PPM1H: variants seen among roughly 807,000 people sequenced by gnomAD.
The protein encoded by PPM1H is protein phosphatase, Mg2+/Mn2+ dependent 1H.
Under a neutral mutation model 54.9 loss-of-function variants are expected in PPM1H, and 27 were observed. The observed-to-expected ratio is 0.49, with a 90% CI of 0.36 to 0.68. The LOEUF (loss-of-function observed/expected upper bound fraction) is 0.68, where lower values mean the gene tolerates loss of function less well. Ranked by LOEUF, PPM1H falls within the 30% of genes least tolerant of loss-of-function variation. PPM1H has a pLI of 0.00. For synonymous variants in PPM1H, 305 were observed against 270.8 expected, an observed-to-expected ratio of 1.13 and a Z score of -1.24; for missense variants, 596 against 667.8, an observed-to-expected ratio of 0.89 and a Z score of 1.19.
At position 62,645,569 on chromosome 12, in the gene PPM1H, G is replaced by A. The variant is rs1303509322; in HGVS notation, c.*2920C>T. On this transcript the variant is annotated 3_prime_UTR_variant, in exon 10 of 10. Transcript: ENST00000228705. ...CACTGGCTACAGGAATAAGGCTTTGGTTATCATCTAGCAAAATGCCACAGA... is the reference window on the plus strand; with the variant it reads ...CACTGGCTACAGGAATAAGGCTTTGATTATCATCTAGCAAAATGCCACAGA... 6.6e-6 allele frequency: 1 copy of A among 152,256 alleles called. No individual in the cohort carries two copies. The highest frequency in any genetic ancestry group is 1.9e-4 in the East Asian group (1 of 5,190). The allele number at this position is 152,256 out of a possible 1,614,324, so 9.4% of individuals were successfully genotyped here.
At position 62,720,295 on chromosome 12, in the gene PPM1H, A is replaced by G; in HGVS notation, c.955-6T>C. ...AAGTGAGGCTGCATGAATGCCTAATAGCAAAAAGAAAAAGAAAAAACACAC... is the reference window on the plus strand; with the variant it reads ...AAGTGAGGCTGCATGAATGCCTAATGGCAAAAAGAAAAAGAAAAAACACAC... On this transcript the variant is annotated splice_region_variant and splice_polypyrimidine_tract_variant and intron_variant, in intron 5 of 9. Transcript: ENST00000228705. The G allele has an allele frequency of 6.3e-7, 1 of 1,589,714 alleles. No individual in the cohort carries two copies.
chr12:62,802,587 A>G (rs2076777842), intron 2 of PPM1H, among the ~76,000 whole-genome samples: 1 of 146,702 alleles, frequency 6.8e-6, no homozygotes, highest in South Asian at 2.1e-4. Context: ...TTTTTTTGAC[A>G]GAGTCTCACT....
intron 6 of PPM1H, among the ~76,000 whole-genome samples, chr12:62,717,495 AAG>A (rs1313507190): frequency 6.6e-6 from 1 of 152,028 alleles, no homozygotes; most frequent in Non-Finnish European, 1.5e-5. Flanking sequence ...GAAAATGAGA[AAG>A]AGAACAAGAG....
At chr12:62,710,087 C>G (rs2076198862) in intron 6 of PPM1H, among the ~76,000 whole-genome samples, 1 of 151,476 alleles carries the variant, frequency 6.6e-6, no homozygotes, top group Non-Finnish European at 1.5e-5. Flanking sequence ...AAAAAAAAGC[C>G]AGTCTTGGGC....
intron 3 of PPM1H, among the ~76,000 whole-genome samples, chr12:62,800,817 G>C (rs2076763898): frequency 6.6e-6 from 1 of 152,154 alleles, no homozygotes; most frequent in African/African-American, 2.4e-5. Context: ...AGCTGGCATA[G>C]AACAAAGCAG....
chr12:62,857,902 C>T (rs1408538303), intron 1 of PPM1H, among the ~76,000 whole-genome samples: 1 of 152,032 alleles, frequency 6.6e-6, no homozygotes, highest in Non-Finnish European at 1.5e-5. Flanking sequence ...AGTCATGCAC[C>T]CAGGTCAGCG....
intron 1 of PPM1H, among the ~76,000 whole-genome samples, chr12:62,917,843 T>C (rs1021841348): frequency 6.6e-6 from 1 of 152,186 alleles, no homozygotes; most frequent in African/African-American, 2.4e-5. Context: ...GGGATTAGTT[T>C]CCACTACACC....
At chr12:62,736,545 G>T (rs1395701770) in intron 5 of PPM1H, among the ~76,000 whole-genome samples, 1 of 152,172 alleles carries the variant, frequency 6.6e-6, no homozygotes, top group Non-Finnish European at 1.5e-5. Flanking sequence ...ACAGTTCATA[G>T]AATAAAATGA....
At chr12:62,734,460 G>C (rs909252288) in intron 5 of PPM1H, among the ~76,000 whole-genome samples, 1 of 152,122 alleles carries the variant, frequency 6.6e-6, no homozygotes, top group Non-Finnish European at 1.5e-5. Context: ...CATTACTGTT[G>C]AAGAAATTGG....
At position 62,658,814 on chromosome 12, in the gene PPM1H, G is replaced by T. The variant is rs1193875748; in HGVS notation, c.1397+8364C>A. ...AAGAAAGAGGGGCCATCTCCTCCTTGGCATCAGGGCCAACTTCAGACTCCT... is the reference window on the plus strand; with the variant it reads ...AAGAAAGAGGGGCCATCTCCTCCTTTGCATCAGGGCCAACTTCAGACTCCT... On this transcript the variant is annotated intron_variant, in intron 9 of 9. Transcript: ENST00000228705. The T allele has an allele frequency of 5.9e-6, 3 of 508,390 alleles. No individual in the cohort carries two copies. The Admixed American group carries it at 7.7e-5, about 13-fold the overall frequency. 31.5% of individuals were successfully genotyped at this position (508,390 alleles called of 1,614,324 possible).
chr12:62,896,212 C>T lies in PPM1H; in HGVS notation c.245+38280G>A, dbSNP rs758931596. On this transcript the variant is annotated intron_variant, in intron 1 of 9. Coordinates refer to ENST00000228705, the MANE Select transcript of PPM1H (RefSeq NM_020700.2). ...GGGCAAGGACTTCATGACTACAACA[C>T]CAAAAGCAATGGCAAGAAAAGCCAA... is the stretch of plus-strand genomic sequence containing the variant. 7.9e-5 allele frequency among the ~76,000 whole-genome samples: 12 copies of T among 152,220 alleles called. No homozygotes were observed. In the South Asian group the frequency reaches 2.5e-3, roughly 32 times the overall value.
rs991788201 is a variant in PPM1H, at chr12:62,769,534, T to C, written c.869+18692A>G. Among the ~76,000 whole-genome samples, 3 of 152,188 alleles carry C rather than the reference T, an allele frequency of 2.0e-5. No individual in the cohort carries two copies. In the East Asian group the frequency reaches 5.8e-4, roughly 29 times the overall value. Reference sequence around the variant, plus strand: ...TAAGTATCCATTCCAGAAAACAATATGAAGATGGGTTTGTTGGTCTTCTGA... The same window carrying C: ...TAAGTATCCATTCCAGAAAACAATACGAAGATGGGTTTGTTGGTCTTCTGA... On this transcript the variant is annotated intron_variant, in intron 4 of 9. Coordinates refer to ENST00000228705, the MANE Select transcript of PPM1H (RefSeq NM_020700.2).
chr12:62,819,265 C>G (rs2641547), intron 2 of PPM1H, among the ~76,000 whole-genome samples: 48,921 of 151,156 alleles, frequency 0.32, 10,250 homozygotes, highest in African/African-American at 0.6. Flanking sequence ...GAGTAACTGG[C>G]ATTACAGGCG....
At chr12:62,873,989 T>C (rs948299137) in intron 1 of PPM1H, among the ~76,000 whole-genome samples, 7 of 151,992 alleles carry the variant, frequency 4.6e-5, no homozygotes, top group African/African-American at 1.7e-4. Context: ...GGGGGAAATA[T>C]ATGCAAAGGC....
chr12:62,754,564 T>C lies in PPM1H; in HGVS notation c.870-16978A>G, dbSNP rs73314528. On this transcript the variant is annotated intron_variant, in intron 4 of 9. Coordinates refer to ENST00000228705, the MANE Select transcript of PPM1H (RefSeq NM_020700.2). The stretch of plus-strand genomic sequence containing the variant: ...TAGCCCAGGTGAGAGACAGACACTG[T>C]CCAAAAACAGATACTAGAGTAGATC... Among the ~76,000 whole-genome samples the C allele has an allele frequency of 4.0e-3, 612 of 152,202 alleles. 4 individuals are homozygous for C. The highest frequency in any genetic ancestry group is 0.014 in the African/African-American group (583 of 41,540).
At chr12:62,919,732 C>G (rs1214823602) in intron 1 of PPM1H, among the ~76,000 whole-genome samples, 1 of 152,108 alleles carries the variant, frequency 6.6e-6, no homozygotes, top group East Asian at 1.9e-4. Flanking sequence ...ATTTACAGCA[C>G]AAGTCCTCAT....
At chr12:62,856,894 AG>A in intron 1 of PPM1H, among the ~76,000 whole-genome samples, 1 of 152,308 alleles carries the variant, frequency 6.6e-6, no homozygotes, top group South Asian at 2.1e-4. Flanking sequence ...ACGGCTTCAC[AG>A]GGTACCAGAC....
At chr12:62,868,450 A>G (rs1467449753) in intron 1 of PPM1H, among the ~76,000 whole-genome samples, 1 of 152,146 alleles carries the variant, frequency 6.6e-6, no homozygotes, top group Non-Finnish European at 1.5e-5. Context: ...AGAGCAGCAG[A>G]TCCCACACTT....
chr12:62,862,654 T>C (rs1050318134), intron 1 of PPM1H, among the ~76,000 whole-genome samples: 8 of 152,214 alleles, frequency 5.3e-5, no homozygotes, highest in Admixed American at 6.5e-5. Flanking sequence ...ATCTATCTTC[T>C]CTGATGAAAC....
Sources: gnomAD v4.1 joint callset for allele counts (sites outside exome capture counted in the v4.1 genomes callset) on GRCh38, gnomAD v4.1.1 for gene constraint, MANE v1.5 for transcripts, NCBI Gene and HGNC (gene_info 2026-07-23, HGNC 2026-07-21) for gene names.